SYN2: variants seen among roughly 807,000 people sequenced by gnomAD.
SYN2 encodes the protein synapsin II.
A neutral mutation model predicts 50.9 loss-of-function variants in SYN2; 19 were observed. That is an observed-to-expected ratio of 0.37 (90% CI 0.26 to 0.55). SYN2 has a LOEUF of 0.55. Among genes scored for constraint, SYN2 ranks in the 20% least tolerant of loss-of-function variants. SYN2 has a pLI of 0.81. For missense variants in SYN2, 587 were observed against 576.4 expected (o/e 1.02, Z -0.19); for synonymous variants, 255 against 224.9 (o/e 1.13, Z -1.20).
chr3:12,155,290 T>C (rs1348139659), intron 5 of SYN2, among the ~76,000 whole-genome samples: 1 of 152,252 alleles, frequency 6.6e-6, no homozygotes, highest in Non-Finnish European at 1.5e-5. Flanking sequence ...AGGGAAAAAT[T>C]ACACTATTGT....
At chr3:12,122,720 A>T (rs533746342) in intron 1 of SYN2, among the ~76,000 whole-genome samples, 1 of 152,342 alleles carries the variant, frequency 6.6e-6, no homozygotes, top group African/African-American at 2.4e-5. Flanking sequence ...CCCATAAGTC[A>T]ATTAATATAA....
At chr3:12,068,593 A>G (rs572264571) in intron 1 of SYN2, among the ~76,000 whole-genome samples, 7 of 152,202 alleles carry the variant, frequency 4.6e-5, no homozygotes, top group South Asian at 2.1e-4. Flanking sequence ...ATATTTTTCT[A>G]TGCTCTCTTT....
chr3:12,037,181 A>T (rs925744319), intron 1 of SYN2, among the ~76,000 whole-genome samples: 4 of 152,188 alleles, frequency 2.6e-5, no homozygotes, highest in Admixed American at 6.5e-5. Context: ...CCCTAAAAAG[A>T]TTTAGGCTCT....
chr3:12,138,368 A>C (rs1696945443), intron 1 of SYN2, among the ~76,000 whole-genome samples: 1 of 152,224 alleles, frequency 6.6e-6, no homozygotes, highest in Admixed American at 6.5e-5. Flanking sequence ...GCATGAAAAC[A>C]GTTCATTAGC....
intron 1 of SYN2, among the ~76,000 whole-genome samples, chr3:12,038,140 C>A (rs979855498): frequency 6.6e-6 from 1 of 152,162 alleles, no homozygotes; most frequent in African/African-American, 2.4e-5. Flanking sequence ...TTTTTCCCAG[C>A]ACCATTTGTT....
intron 2 of SYN2, among the ~76,000 whole-genome samples, chr3:12,141,464 ATG>A (rs1697016269): frequency 6.6e-6 from 1 of 152,230 alleles, no homozygotes; most frequent in African/African-American, 2.4e-5. Flanking sequence ...AACTTGCTTA[ATG>A]TTTTATGCAG....
chr3:12,095,906 A>G (rs1695922807), intron 1 of SYN2, among the ~76,000 whole-genome samples: 1 of 152,094 alleles, frequency 6.6e-6, no homozygotes, highest in Non-Finnish European at 1.5e-5. Flanking sequence ...TGAACTTCAA[A>G]TATCTGCATG....
intron 1 of SYN2, among the ~76,000 whole-genome samples, chr3:12,105,804 A>G (rs1165284031): frequency 6.6e-6 from 1 of 152,044 alleles, no homozygotes. Flanking sequence ...AGATTTTTCT[A>G]GCCTAGCCTG....
At chr3:12,092,787 C>G (rs1337228767) in intron 1 of SYN2, among the ~76,000 whole-genome samples, 1 of 152,090 alleles carries the variant, frequency 6.6e-6, no homozygotes, top group Admixed American at 6.5e-5. Flanking sequence ...GTTGATTGAC[C>G]ACCTTAACAT....
intron 1 of SYN2, among the ~76,000 whole-genome samples, chr3:12,140,320 T>A (rs1238694223): frequency 6.6e-6 from 1 of 152,088 alleles, no homozygotes; most frequent in Admixed American, 6.6e-5. Context: ...ACTGCAGAGA[T>A]GTATAAAGCT....
At chr3:12,047,825 G>A (rs984310311) in intron 1 of SYN2, among the ~76,000 whole-genome samples, 2 of 152,184 alleles carry the variant, frequency 1.3e-5, no homozygotes, top group Admixed American at 6.5e-5. Flanking sequence ...AGTTGTTGGA[G>A]TTGTAAGGTG....
At chr3:12,056,600 A>G (rs556890429) in intron 1 of SYN2, among the ~76,000 whole-genome samples, 2 of 152,324 alleles carry the variant, frequency 1.3e-5, no homozygotes, top group South Asian at 2.1e-4. Context: ...ACTTTGTACT[A>G]GAGCATTTCA....
At chr3:12,089,823 G>A (rs1695786951) in intron 1 of SYN2, among the ~76,000 whole-genome samples, 2 of 152,068 alleles carry the variant, frequency 1.3e-5, no homozygotes, top group Admixed American at 1.3e-4. Context: ...CATAGAGGTT[G>A]GCTATTACCC....
At chr3:12,089,111 A>G (rs1216073014) in intron 1 of SYN2, among the ~76,000 whole-genome samples, 2 of 152,232 alleles carry the variant, frequency 1.3e-5, no homozygotes, top group African/African-American at 2.4e-5. Context: ...ATATCAAGAC[A>G]TCACATTGTA....
chr3:12,100,057 A>G (rs1389161976), intron 1 of SYN2, among the ~76,000 whole-genome samples: 1 of 152,150 alleles, frequency 6.6e-6, no homozygotes, highest in Non-Finnish European at 1.5e-5. Flanking sequence ...GACATTGTTA[A>G]GATAGCAATC....
rs756453946 is a variant in SYN2, at chr3:12,145,741, A to G, written c.590A>G (p.Asp197Gly). 6.2e-7 allele frequency: 1 copy of G among 1,613,982 alleles called. No homozygotes were observed. The highest frequency in any genetic ancestry group is 8.5e-7 in the Non-Finnish European group (1 of 1,179,870). Residue 197 changes from aspartate (D) to glycine (G), a missense_variant, in exon 4 of 13, where the codon GAC becomes GGC. Coordinates refer to ENST00000621198, the MANE Select transcript of SYN2 (RefSeq NM_133625.6). The part of the protein sequence containing the change: ...QHAFGMAENE[D>G]FRHLIIGMQY... ...GCATTTGGCATGGCGGAGAATGAGG[A>G]CTTCCGCCACCTGATCATTGGTATG... is the stretch of plus-strand genomic sequence containing the variant.
In SYN2 at chr3:12,073,346, T is replaced by C. The variant is rs569548745; in HGVS notation, c.378-67305T>C. ...GATGACATAGAGGCCTAAGTGCTTC[T>C]TAAAAATCAGCTCACCTGTATGTAT... On this transcript the variant is annotated intron_variant, in intron 1 of 12. Transcript: ENST00000621198. 3.9e-5 allele frequency among the ~76,000 whole-genome samples: 6 copies of C among 152,314 alleles called. 1 individual carries two copies. Among genetic ancestry groups the C allele is most frequent in the African/African-American group, 1.4e-4 (6 of 41,580 alleles).
chr3:12,161,535 T>C lies in SYN2; in HGVS notation c.775-11T>C, dbSNP rs1461475880. ...ACTCTGACAGTTTATTCATTTCTCT[T>C]CTGATTTCAGCTGACACTGCCCACG... is the stretch of plus-strand genomic sequence containing the variant. On this transcript the variant is annotated splice_polypyrimidine_tract_variant and intron_variant, in intron 5 of 12. Coordinates refer to ENST00000621198, the MANE Select transcript of SYN2 (RefSeq NM_133625.6). 6.2e-7 allele frequency: 1 copy of C among 1,613,952 alleles called. No individual in the cohort carries two copies. Among genetic ancestry groups the C allele is most frequent in the Non-Finnish European group, 8.5e-7 (1 of 1,179,870 alleles).
chr3:12,109,645 A>AT (rs1362145205), intron 1 of SYN2, among the ~76,000 whole-genome samples: 1 of 151,822 alleles, frequency 6.6e-6, no homozygotes. Flanking sequence ...AATTTCCTTG[A>AT]TTTTTTTCTT....
Sources: allele counts gnomAD v4.1 joint callset (sites outside exome capture counted in the v4.1 genomes callset), GRCh38; gene constraint gnomAD v4.1.1; transcripts MANE v1.5; gene names NCBI Gene and HGNC (gene_info 2026-07-23, HGNC 2026-07-21).